Variants in ZFHX3 observed in about 807,000 individuals in gnomAD.
ZFHX3 encodes zinc finger homeobox protein 3.
Under a neutral mutation model 279.1 loss-of-function variants are expected in ZFHX3, and 42 were observed. The ratio of observed to expected loss-of-function variants is 0.15; its 90% confidence interval spans 0.12 to 0.19. The LOEUF is 0.19. Ranked by LOEUF, ZFHX3 falls within the 10% of genes least tolerant of loss-of-function variation. ZFHX3 has a pLI of 1.00. For missense variants in ZFHX3, 4,981 were observed against 4,754.0 expected, an observed-to-expected ratio of 1.05 and a Z score of -1.40; for synonymous variants, 2,293 against 1,957.8, an observed-to-expected ratio of 1.17 and a Z score of -4.52.
chr16:73,695,259 T>G (rs921347436), intron 1 of ZFHX3, among the ~76,000 whole-genome samples: 1 of 138,170 alleles, frequency 7.2e-6, no homozygotes, highest in African/African-American at 2.6e-5. Context: ...TTTTTTGAGA[T>G]GGGGTCTTCC....
chr16:73,739,105 C>A (rs775646131), intron 1 of ZFHX3, among the ~76,000 whole-genome samples: 22 of 152,206 alleles, frequency 1.4e-4, no homozygotes, highest in Admixed American at 1.4e-3. Flanking sequence ...CCTCACTATT[C>A]TCCCTTTTGC....
At chr16:73,311,931 G>A (rs1347520047) in intron 4 of ZFHX3, among the ~76,000 whole-genome samples, 1 of 152,108 alleles carries the variant, frequency 6.6e-6, no homozygotes, top group South Asian at 2.1e-4. Context: ...AAACAGAAGA[G>A]AACTGATGAG....
At chr16:73,143,604 T>G (rs1201832941) in intron 6 of ZFHX3, 8 of 449,168 alleles carry the variant, frequency 1.8e-5, no homozygotes, top group Non-Finnish European at 3.3e-5. Flanking sequence ...CCAGGCACAC[T>G]GCAGAGGTGT....
At chr16:73,242,467 C>A (rs772824767) in intron 5 of ZFHX3, among the ~76,000 whole-genome samples, 1 of 152,186 alleles carries the variant, frequency 6.6e-6, no homozygotes, top group Non-Finnish European at 1.5e-5. Flanking sequence ...GCAGGAACCA[C>A]TGAGTGTGAG....
chr16:73,840,551 A>G (rs1434124438), intron 1 of ZFHX3, among the ~76,000 whole-genome samples: 6 of 152,184 alleles, frequency 3.9e-5, no homozygotes, highest in African/African-American at 1.4e-4. Flanking sequence ...TTCTAGTACC[A>G]TGGTCTGATT....
In ZFHX3 at chr16:72,797,325, G is replaced by C; in HGVS notation, c.5357C>G (p.Thr1786Ser). 6.2e-7 allele frequency: 1 copy of C among 1,603,324 alleles called. No homozygotes were observed. The highest frequency in any genetic ancestry group is 8.5e-7 in the Non-Finnish European group (1 of 1,174,076). Residue 1786 changes from threonine (T) to serine (S), a missense_variant, in exon 9 of 10, where the codon ACC becomes AGC. Coordinates refer to ENST00000268489, the MANE Select transcript of ZFHX3 (RefSeq NM_006885.4). ...CTGCTGCTGCTGTAGTTGCAGCAGG[G>C]TCTCAGTTGTCATGGGGAAGTGAGG... ...LLPHFPMTTE[T>S]LLQLQQQQHL... is the part of the protein sequence containing the mutation.
chr16:73,124,291 C>T (rs549057206), intron 7 of ZFHX3, among the ~76,000 whole-genome samples: 20 of 152,220 alleles, frequency 1.3e-4, no homozygotes, highest in African/African-American at 4.6e-4. Flanking sequence ...TGAGGGCCTG[C>T]GTTCTGGTTC....
chr16:73,071,275 GCTTT>G (rs1031743075), intron 8 of ZFHX3, among the ~76,000 whole-genome samples: 2 of 151,832 alleles, frequency 1.3e-5, no homozygotes, highest in African/African-American at 2.4e-5. Context: ...GGTCAAACAT[GCTTT>G]CTTTCTTTAT....
At chr16:72,944,700 T>C (rs1314888636) in intron 3 of ZFHX3, among the ~76,000 whole-genome samples, 2 of 152,174 alleles carry the variant, frequency 1.3e-5, no homozygotes, top group African/African-American at 4.8e-5. Flanking sequence ...ACTTTAACTG[T>C]AAAAAATAGG....
chr16:73,824,044 T>C (rs775067364), intron 1 of ZFHX3, among the ~76,000 whole-genome samples: 22 of 152,198 alleles, frequency 1.4e-4, no homozygotes, highest in Non-Finnish European at 2.8e-4. Context: ...TAAGGAATTA[T>C]ACAGGGGTGT....
intron 2 of ZFHX3, among the ~76,000 whole-genome samples, chr16:73,495,946 A>C (rs961575461): frequency 2.0e-5 from 3 of 152,330 alleles, no homozygotes; most frequent in Admixed American, 2.0e-4. Context: ...ATCACTTTTC[A>C]TCACGGTCGT....
At chr16:73,672,055 C>A (rs1033983533) in intron 2 of ZFHX3, among the ~76,000 whole-genome samples, 1 of 151,174 alleles carries the variant, frequency 6.6e-6, no homozygotes, top group Non-Finnish European at 1.5e-5. Context: ...AAAAAAAATA[C>A]ATAAAAGGAA....
At chr16:73,870,239 G>T (rs980154311) in intron 1 of ZFHX3, among the ~76,000 whole-genome samples, 2 of 152,178 alleles carry the variant, frequency 1.3e-5, no homozygotes, top group Admixed American at 6.5e-5. Context: ...GACCTCGAGA[G>T]AATCTCCCCC....
chr16:73,834,912 C>CG (rs1351302079), intron 1 of ZFHX3, among the ~76,000 whole-genome samples: 5 of 151,952 alleles, frequency 3.3e-5, no homozygotes, highest in African/African-American at 1.2e-4. Context: ...GCGTCTCCCC[C>CG]CGTGGGGTCT....
At position 73,320,750 on chromosome 16, in the gene ZFHX3, C is replaced by T. The variant is rs74030057; in HGVS notation, c.-1290-2414G>A. Among the ~76,000 whole-genome samples the T allele has an allele frequency of 5.3e-5, 8 of 152,254 alleles. No individual in the cohort carries two copies. In the East Asian group the frequency reaches 9.6e-4, roughly 18 times the overall value. Reference sequence around the variant, plus strand: ...ACCATCTGTGGGATGTCTGAGGCCCCGAAATCCCCACACCCCTCACTCGTT... The same window carrying T: ...ACCATCTGTGGGATGTCTGAGGCCCTGAAATCCCCACACCCCTCACTCGTT... On this transcript the variant is annotated intron_variant, in intron 3 of 17. Transcript: ENST00000641206.
chr16:73,650,521 A>G (rs1470047032), intron 2 of ZFHX3, among the ~76,000 whole-genome samples: 1 of 152,194 alleles, frequency 6.6e-6, no homozygotes, highest in Non-Finnish European at 1.5e-5. Flanking sequence ...TCAAAAAGCT[A>G]TCCTCACTTA....
chr16:73,545,603 T>G (rs2020094955), intron 2 of ZFHX3, among the ~76,000 whole-genome samples: 1 of 152,122 alleles, frequency 6.6e-6, no homozygotes, highest in African/African-American at 2.4e-5. Flanking sequence ...TTTCCCCAGG[T>G]TTGCTGCATT....
intron 1 of ZFHX3, among the ~76,000 whole-genome samples, chr16:73,796,226 C>A (rs1232041028): frequency 3.3e-5 from 5 of 152,144 alleles, no homozygotes; most frequent in Admixed American, 6.5e-5. Context: ...AACCATTAAA[C>A]CTTTTGCACA....
At chr16:72,989,378 A>T (rs1290998292) in intron 1 of ZFHX3, among the ~76,000 whole-genome samples, 1 of 151,804 alleles carries the variant, frequency 6.6e-6, no homozygotes, top group South Asian at 2.1e-4. Context: ...GATACTCAGG[A>T]GGCTGAGGCA....
Sources: allele counts gnomAD v4.1 joint callset (sites outside exome capture counted in the v4.1 genomes callset), GRCh38; gene constraint gnomAD v4.1.1; transcripts MANE v1.5; gene names NCBI Gene and HGNC (gene_info 2026-07-23, HGNC 2026-07-21).